Variants in RAP1A observed in about 807,000 individuals in gnomAD.
The protein encoded by RAP1A is ras-related protein Rap-1A.
A neutral mutation model predicts 26.4 loss-of-function variants in RAP1A; 6 were observed. The ratio of observed to expected loss-of-function variants is 0.23; its 90% CI spans 0.12 to 0.45. The LOEUF is 0.45. Ranked by LOEUF, RAP1A falls within the 20% of genes least tolerant of loss-of-function variation. The pLI is 0.99. For missense variants in RAP1A, 121 were observed against 217.2 expected, an observed-to-expected ratio of 0.56 and a Z score of 2.78; for synonymous variants, 73 against 79.4, an observed-to-expected ratio of 0.92 and a Z score of 0.43.
chr1:111,608,577 C>G (rs924864167), intron 1 of RAP1A: 2 of 171,290 alleles, frequency 1.2e-5, no homozygotes, highest in South Asian at 1.0e-4. Flanking sequence ...TGTAGCCAGC[C>G]GAGATCACGC....
chr1:111,620,382 C>G (rs906219938), intron 1 of RAP1A, among the ~76,000 whole-genome samples: 2 of 152,196 alleles, frequency 1.3e-5, no homozygotes, highest in African/African-American at 4.8e-5. Flanking sequence ...CTTGCATGTC[C>G]CCTGTCTAGG....
chr1:111,648,654 A>C, intron 1 of RAP1A: 2 of 526,220 alleles, frequency 3.8e-6, no homozygotes, highest in East Asian at 8.8e-5. Flanking sequence ...CACTGAGTCC[A>C]GGTCAATCTT....
intron 1 of RAP1A, among the ~76,000 whole-genome samples, chr1:111,673,809 A>G (rs1384380450): frequency 1.3e-5 from 2 of 152,168 alleles, no homozygotes; most frequent in Non-Finnish European, 2.9e-5. Context: ...TTACATTCTT[A>G]TTGGGAGTTC....
At chr1:111,688,896 A>G (rs2101237434) in intron 1 of RAP1A, among the ~76,000 whole-genome samples, 1 of 143,210 alleles carries the variant, frequency 7.0e-6, no homozygotes, top group South Asian at 2.2e-4. Flanking sequence ...GTGCAGTGGG[A>G]CAATCACAGA....
intron 1 of RAP1A, among the ~76,000 whole-genome samples, chr1:111,567,796 A>C (rs72695244): frequency 0.014 from 2,176 of 152,254 alleles, 38 homozygotes; most frequent in Non-Finnish European, 0.016. Flanking sequence ...TGACAAAGTG[A>C]CTCTCTGTAA....
intron 1 of RAP1A, chr1:111,563,840 A>T: frequency 6.2e-7 from 1 of 1,610,266 alleles, no homozygotes; most frequent in Non-Finnish European, 8.5e-7. Flanking sequence ...TTCTGCTATG[A>T]CTCACTGTGA....
chr1:111,713,451 T>C lies in RAP1A; in HGVS notation c.*1050T>C, dbSNP rs945857618. ...TTAATACTGTATCAGGGTTTAACTT[T>C]TACTATTTCAGATCTTCCACAGCTT... On this transcript the variant is annotated 3_prime_UTR_variant, in exon 8 of 8. Transcript: ENST00000369709. 6.6e-6 allele frequency: 1 copy of C among 152,208 alleles called. No homozygotes were observed. The highest frequency in any genetic ancestry group is 6.5e-5 in the Admixed American group (1 of 15,286). 9.4% of individuals were successfully genotyped at this position (152,208 alleles called of 1,614,324 possible).
chr1:111,703,691 C>T (rs954182173), intron 5 of RAP1A, among the ~76,000 whole-genome samples: 17 of 152,260 alleles, frequency 1.1e-4, no homozygotes, highest in Non-Finnish European at 2.5e-4. Context: ...ATAAAGTACT[C>T]ATTGTGCTAT....
intron 1 of RAP1A, among the ~76,000 whole-genome samples, chr1:111,590,170 TTTGTAGA>T (rs149303140): frequency 0.14 from 22,023 of 152,158 alleles, 1,991 homozygotes; most frequent in Non-Finnish European, 0.19. Context: ...CTCTTAATAG[TTTGTAGA>T]TTGTCTTCAA....
At chr1:111,658,951 C>T (rs1301033003) in intron 1 of RAP1A, among the ~76,000 whole-genome samples, 1 of 152,148 alleles carries the variant, frequency 6.6e-6, no homozygotes, top group East Asian at 1.9e-4. Flanking sequence ...ATTGTTATGT[C>T]TTCTTGGAGA....
chr1:111,564,575 C>CT (rs1657869149), intron 1 of RAP1A, among the ~76,000 whole-genome samples: 1 of 147,680 alleles, frequency 6.8e-6, no homozygotes. Context: ...TGCAGTGGCA[C>CT]GATCTCGGCT....
chr1:111,642,633 G>A (rs1324964436), intron 1 of RAP1A, among the ~76,000 whole-genome samples: 2 of 151,896 alleles, frequency 1.3e-5, no homozygotes, highest in African/African-American at 2.4e-5. Flanking sequence ...GACTACAGGC[G>A]CCTGCCACCA....
At chr1:111,542,427 T>G (rs1361503336) in exon 1 of RAP1A, 1 of 233,618 alleles carries the variant, frequency 4.3e-6, no homozygotes, top group Non-Finnish European at 8.9e-6. Flanking sequence ...GGTGAAAAAC[T>G]GGGCTCCGCC....
chr1:111,622,387 GCCT>G (rs75066484), intron 1 of RAP1A, among the ~76,000 whole-genome samples: 7,489 of 152,252 alleles, frequency 0.049, 232 homozygotes, highest in South Asian at 0.087. Flanking sequence ...AGCCACACTG[GCCT>G]CCTACATCCC....
chr1:111,613,401 G>A (rs576993), intron 1 of RAP1A, among the ~76,000 whole-genome samples: 57,034 of 151,778 alleles, frequency 0.38, 11,192 homozygotes, highest in East Asian at 0.5. Context: ...GGGTTTCACC[G>A]TGTTAGCTAG....
intron 1 of RAP1A, among the ~76,000 whole-genome samples, chr1:111,680,984 C>T (rs551663586): frequency 8.1e-4 from 123 of 152,284 alleles, no homozygotes; most frequent in African/African-American, 2.5e-3. Context: ...TGGTGGCTCA[C>T]GCCTGTAATC....
At chr1:111,676,600 A>C (rs185056044) in intron 1 of RAP1A, among the ~76,000 whole-genome samples, 104 of 152,244 alleles carry the variant, frequency 6.8e-4, no homozygotes, top group African/African-American at 2.4e-3. Flanking sequence ...TATTTTAAAT[A>C]ATTCAGTTCA....
chr1:111,558,111 A>C (rs531569366), intron 1 of RAP1A, among the ~76,000 whole-genome samples: 1 of 152,312 alleles, frequency 6.6e-6, no homozygotes, highest in South Asian at 2.1e-4. Flanking sequence ...ATAGAAATTA[A>C]TTTAAATATA....
chr1:111,580,542 A>G (rs1411433173), intron 1 of RAP1A, among the ~76,000 whole-genome samples: 2 of 152,204 alleles, frequency 1.3e-5, no homozygotes, highest in Non-Finnish European at 2.9e-5. Context: ...GACAGAAGAG[A>G]GAAGATCAAG....
Sources: allele counts gnomAD v4.1 joint callset (sites outside exome capture counted in the v4.1 genomes callset), GRCh38; gene constraint gnomAD v4.1.1; transcripts MANE v1.5; gene names NCBI Gene and HGNC (gene_info 2026-07-23, HGNC 2026-07-21).